GALNT17: variants seen among roughly 807,000 people sequenced by gnomAD.
GALNT17 encodes the protein polypeptide N-acetylgalactosaminyltransferase 17.
In GALNT17, 29 loss-of-function variants were observed where a neutral mutation model predicts 63.7. That is an observed-to-expected ratio of 0.46 (90% CI 0.34 to 0.62). The LOEUF (loss-of-function observed/expected upper bound fraction) is 0.62. GALNT17 is among the 20% of genes least tolerant of loss of function. The pLI is 0.01. For synonymous variants in GALNT17, 305 were observed against 318.3 expected (o/e 0.96, Z 0.45); for missense variants, 603 against 799.6 (o/e 0.75, Z 2.97).
chr7:71,266,402 G>A (rs546694619), intron 1 of GALNT17, among the ~76,000 whole-genome samples: 2 of 152,156 alleles, frequency 1.3e-5, no homozygotes, highest in African/African-American at 4.8e-5. Flanking sequence ...TTGTTTGAAA[G>A]CATAGCACTT....
At chr7:71,563,536 G>A (rs892141503) in intron 5 of GALNT17, among the ~76,000 whole-genome samples, 8 of 152,152 alleles carry the variant, frequency 5.3e-5, no homozygotes, top group African/African-American at 1.9e-4. Context: ...TGCCCACTGA[G>A]CTCGCCAGCA....
At chr7:71,660,331 C>T (rs543769243) in intron 6 of GALNT17, among the ~76,000 whole-genome samples, 1 of 152,308 alleles carries the variant, frequency 6.6e-6, no homozygotes, top group East Asian at 1.9e-4. Context: ...CTGGCCCATT[C>T]CAACCCATCT....
At chr7:71,282,268 C>T (rs1353787560) in intron 1 of GALNT17, among the ~76,000 whole-genome samples, 1 of 152,210 alleles carries the variant, frequency 6.6e-6, no homozygotes, top group Non-Finnish European at 1.5e-5. Context: ...CTGCAGCCCA[C>T]CTTATTTCCA....
intron 1 of GALNT17, among the ~76,000 whole-genome samples, chr7:71,212,435 C>T (rs1358208264): frequency 2.0e-5 from 3 of 152,234 alleles, no homozygotes; most frequent in Non-Finnish European, 4.4e-5. Context: ...TCTGCTAAGG[C>T]AGTGCAGAAG....
At chr7:71,202,901 A>G (rs967967961) in intron 1 of GALNT17, among the ~76,000 whole-genome samples, 2 of 152,206 alleles carry the variant, frequency 1.3e-5, no homozygotes, top group Non-Finnish European at 2.9e-5. Context: ...TTTCACTTAG[A>G]TTAATGTCCT....
intron 8 of GALNT17, among the ~76,000 whole-genome samples, chr7:71,672,278 C>A (rs1791082397): frequency 6.6e-6 from 1 of 151,982 alleles, no homozygotes; most frequent in African/African-American, 2.4e-5. Context: ...TCACCATTTA[C>A]CAAAGTAGAT....
intron 9 of GALNT17, among the ~76,000 whole-genome samples, chr7:71,704,605 C>A (rs1271495736): frequency 2.0e-5 from 3 of 151,812 alleles, no homozygotes; most frequent in Non-Finnish European, 4.4e-5. Flanking sequence ...ACTCACACTT[C>A]CCAGTTCTAA....
chr7:71,486,071 T>A (rs1389284242), intron 5 of GALNT17, among the ~76,000 whole-genome samples: 3 of 152,140 alleles, frequency 2.0e-5, no homozygotes, highest in Non-Finnish European at 4.4e-5. Context: ...CTCATGCCTA[T>A]AATCCCAGCA....
chr7:71,483,290 G>A (rs916644414), intron 5 of GALNT17, among the ~76,000 whole-genome samples: 2 of 152,034 alleles, frequency 1.3e-5, no homozygotes, highest in Non-Finnish European at 1.5e-5. Context: ...GGGCAGCGTG[G>A]CCAAACTCTG....
chr7:71,642,595 G>A (rs1390515043), intron 6 of GALNT17, among the ~76,000 whole-genome samples: 1 of 152,168 alleles, frequency 6.6e-6, no homozygotes, highest in Non-Finnish European at 1.5e-5. Flanking sequence ...CCAGCACTTT[G>A]GGAGGTGAGG....
At position 71,190,654 on chromosome 7, in the gene GALNT17, C is replaced by T. The variant is rs118138459; in HGVS notation, c.238+57614C>T. Reference sequence around the variant, plus strand: ...TTTAAAATTAAAAAATTTTTTGAGACGGGGTCTTGCTTTGTCACCCAGGCT... The same window carrying T: ...TTTAAAATTAAAAAATTTTTTGAGATGGGGTCTTGCTTTGTCACCCAGGCT... On this transcript the variant is annotated intron_variant, in intron 1 of 10. Coordinates refer to ENST00000333538, the MANE Select transcript of GALNT17 (RefSeq NM_022479.3). 3.1e-3 allele frequency among the ~76,000 whole-genome samples: 472 copies of T among 152,074 alleles called. 5 individuals carry two copies. Among genetic ancestry groups the T allele is most frequent in the Non-Finnish European group, 3.8e-3 (260 of 67,976 alleles).
chr7:71,496,899 C>T (rs1788104905), intron 5 of GALNT17, among the ~76,000 whole-genome samples: 1 of 150,722 alleles, frequency 6.6e-6, no homozygotes, highest in Admixed American at 6.6e-5. Flanking sequence ...AGTAGCGAGA[C>T]CATGTCTATA....
chr7:71,213,319 C>G (rs1789416768), intron 1 of GALNT17, among the ~76,000 whole-genome samples: 1 of 152,326 alleles, frequency 6.6e-6, no homozygotes, highest in South Asian at 2.1e-4. Flanking sequence ...TGAGGCCTCC[C>G]CAGCCATGTG....
intron 6 of GALNT17, among the ~76,000 whole-genome samples, chr7:71,631,746 C>T (rs1298152037): frequency 6.6e-6 from 1 of 151,852 alleles, no homozygotes; most frequent in East Asian, 1.9e-4. Context: ...AGAATGGGAG[C>T]CATGGGAGGG....
intron 1 of GALNT17, among the ~76,000 whole-genome samples, chr7:71,278,675 G>A (rs1790724988): frequency 6.6e-6 from 1 of 152,134 alleles, no homozygotes; most frequent in South Asian, 2.1e-4. Flanking sequence ...TCTTCACGTG[G>A]TGGCAGGAAG....
intron 1 of GALNT17, among the ~76,000 whole-genome samples, chr7:71,242,971 A>G (rs2116471746): frequency 6.6e-6 from 1 of 152,316 alleles, no homozygotes; most frequent in Middle Eastern, 3.4e-3. Context: ...TATTCTAGAT[A>G]ACCTATCTGG....
chr7:71,209,744 G>T (rs774521838), intron 1 of GALNT17, among the ~76,000 whole-genome samples: 22 of 151,940 alleles, frequency 1.4e-4, no homozygotes, highest in Non-Finnish European at 3.1e-4. Flanking sequence ...GGACATACCC[G>T]AGACTGGGAA....
At chr7:71,227,104 G>A (rs988381081) in intron 1 of GALNT17, among the ~76,000 whole-genome samples, 23 of 146,762 alleles carry the variant, frequency 1.6e-4, no homozygotes, top group Non-Finnish European at 3.1e-4. Flanking sequence ...TTGGGAGGCC[G>A]AGGTGGGAGG....
At chr7:71,520,614 G>A (rs1788515170) in intron 5 of GALNT17, among the ~76,000 whole-genome samples, 1 of 152,164 alleles carries the variant, frequency 6.6e-6, no homozygotes, top group Non-Finnish European at 1.5e-5. Flanking sequence ...TGCATGGTGT[G>A]TGTGGAGGTT....
Sources: allele counts gnomAD v4.1 joint callset (sites outside exome capture counted in the v4.1 genomes callset), GRCh38; gene constraint gnomAD v4.1.1; transcripts MANE v1.5; gene names NCBI Gene and HGNC (gene_info 2026-07-23, HGNC 2026-07-21).